The following ARB2A variants were observed in gnomAD, a reference collection of about 807,000 sequenced individuals.
The protein encoded by ARB2A is ARB2 cotranscriptional regulator A, also known as cotranscriptional regulator ARB2A.
At chr5:93,743,621 A>C in the ARB2A span, 1 of 900,618 alleles carries the variant, frequency 1.1e-6, no homozygotes, top group Non-Finnish European at 1.3e-6. Flanking sequence ...AAAGAAGAGA[A>C]AGCAATATAT....
At chr5:93,804,996 C>T in the ARB2A span, 1 of 982,450 alleles carries the variant, frequency 1.0e-6, no homozygotes, top group Non-Finnish European at 1.2e-6. Flanking sequence ...AATTTTATTT[C>T]AGTAGTCAAA....
the ARB2A span, among the ~76,000 whole-genome samples, chr5:94,111,073 T>G: frequency 6.6e-6 from 1 of 152,232 alleles, no homozygotes; most frequent in East Asian, 1.9e-4. Flanking sequence ...TTACAAGTTT[T>G]GAGAGCATTT....
At chr5:94,066,903 G>A in the ARB2A span, among the ~76,000 whole-genome samples, 1 of 152,068 alleles carries the variant, frequency 6.6e-6, no homozygotes, top group Non-Finnish European at 1.5e-5. Context: ...AAAACTTCGG[G>A]CCAATATTCC....
At chr5:93,636,667 C>G in the ARB2A span, among the ~76,000 whole-genome samples, 1 of 152,142 alleles carries the variant, frequency 6.6e-6, no homozygotes, top group Non-Finnish European at 1.5e-5. Context: ...GTTACAGCAG[C>G]CTGAATATAC....
At chr5:93,889,321 T>C in the ARB2A span, among the ~76,000 whole-genome samples, 2 of 151,748 alleles carry the variant, frequency 1.3e-5, no homozygotes, top group East Asian at 3.9e-4. Flanking sequence ...CATTCACATA[T>C]TTTAACAAGT....
the ARB2A span, among the ~76,000 whole-genome samples, chr5:93,754,534 G>A: frequency 6.6e-6 from 1 of 152,212 alleles, no homozygotes; most frequent in Admixed American, 6.5e-5. Context: ...GCCCCAGGTA[G>A]AACCAATCTA....
At chr5:93,834,895 T>C in the ARB2A span, among the ~76,000 whole-genome samples, 3 of 152,180 alleles carry the variant, frequency 2.0e-5, no homozygotes, top group Non-Finnish European at 4.4e-5. Flanking sequence ...CTAATACGCT[T>C]CAATTACAGA....
chr5:93,633,514 A>G, the ARB2A span, among the ~76,000 whole-genome samples: 1 of 152,150 alleles, frequency 6.6e-6, no homozygotes, highest in South Asian at 2.1e-4. Flanking sequence ...CTCTGCTTGT[A>G]TAAGTATCCC....
At chr5:93,762,467 T>G in the ARB2A span, among the ~76,000 whole-genome samples, 1 of 152,096 alleles carries the variant, frequency 6.6e-6, no homozygotes, top group South Asian at 2.1e-4. Context: ...GAAGATCAAA[T>G]GAATGAAATG....
the ARB2A span, among the ~76,000 whole-genome samples, chr5:93,950,624 C>CA: frequency 0.29 from 44,458 of 151,460 alleles, 6,792 homozygotes; most frequent in South Asian, 0.51. Flanking sequence ...GCCTGGGTGA[C>CA]AGAGCAAGAC....
the ARB2A span, among the ~76,000 whole-genome samples, chr5:94,027,950 T>C: frequency 1.3e-5 from 2 of 152,114 alleles, no homozygotes. Flanking sequence ...TGAATTGAAT[T>C]AGAGGACCCC....
the ARB2A span, among the ~76,000 whole-genome samples, chr5:94,061,100 T>G: frequency 5.3e-5 from 8 of 152,180 alleles, no homozygotes; most frequent in African/African-American, 1.9e-4. Context: ...TAGCCGGGCA[T>G]GGTGGCGGGT....
At chr5:94,016,049 G>A in the ARB2A span, among the ~76,000 whole-genome samples, 65 of 152,250 alleles carry the variant, frequency 4.3e-4, no homozygotes, top group Middle Eastern at 3.4e-3. Flanking sequence ...ACAAACCCAT[G>A]TCACCTATAA....
At chr5:94,007,042 T>C in the ARB2A span, among the ~76,000 whole-genome samples, 4 of 152,220 alleles carry the variant, frequency 2.6e-5, no homozygotes, top group South Asian at 4.1e-4. Context: ...ATTGCATCTC[T>C]AACAAATCAT....
the ARB2A span, among the ~76,000 whole-genome samples, chr5:94,096,596 A>C: frequency 6.6e-6 from 1 of 152,166 alleles, no homozygotes; most frequent in African/African-American, 2.4e-5. Flanking sequence ...TCTTGTTAGC[A>C]CCTCTTTAAC....
the ARB2A span, among the ~76,000 whole-genome samples, chr5:93,722,249 G>A: frequency 2.0e-5 from 3 of 152,206 alleles, no homozygotes; most frequent in Admixed American, 1.3e-4. Flanking sequence ...GTATTTAAAT[G>A]TGTCCTTAAT....
the ARB2A span, among the ~76,000 whole-genome samples, chr5:93,844,837 C>T: frequency 2.0e-4 from 30 of 152,146 alleles, no homozygotes; most frequent in Admixed American, 1.5e-3. Flanking sequence ...CCTAATGAGC[C>T]GGACCTGGAT....
At chr5:94,031,065 C>G in the ARB2A span, among the ~76,000 whole-genome samples, 2 of 152,180 alleles carry the variant, frequency 1.3e-5, no homozygotes, top group Non-Finnish European at 2.9e-5. Context: ...CAACACAAAA[C>G]AGACTAAGAT....
At chr5:93,765,986 T>C in the ARB2A span, among the ~76,000 whole-genome samples, 1 of 152,334 alleles carries the variant, frequency 6.6e-6, no homozygotes, top group African/African-American at 2.4e-5. Context: ...GCTAGCCATA[T>C]GTAGAAAGCT....
Sources: allele counts gnomAD v4.1 joint callset (sites outside exome capture counted in the v4.1 genomes callset), GRCh38; gene constraint gnomAD v4.1.1; transcripts MANE v1.5; gene names NCBI Gene and HGNC (gene_info 2026-07-23, HGNC 2026-07-21).